The following JMJD1C variants were observed in gnomAD, a reference collection of about 807,000 sequenced individuals.
JMJD1C encodes jumonji domain containing 1C.
In JMJD1C, 31 loss-of-function variants were observed where a neutral mutation model predicts 245.3. That is an observed-to-expected ratio of 0.13 (90% CI 0.09 to 0.17). JMJD1C has a LOEUF of 0.17. JMJD1C is among the 10% of genes least tolerant of loss of function. JMJD1C has a pLI of 1.00. For missense variants in JMJD1C, 2,691 were observed against 3,000.2 expected (o/e 0.90, Z 2.41); for synonymous variants, 1,057 against 1,017.4 (o/e 1.04, Z -0.74).
intron 1 of JMJD1C, among the ~76,000 whole-genome samples, chr10:63,513,770 G>A (rs377315388): frequency 5.6e-4 from 85 of 152,114 alleles, no homozygotes; most frequent in African/African-American, 1.9e-3. Flanking sequence ...AAAATTAGCC[G>A]GGCGTGTTGG....
Position 63,453,730 on chromosome 10 carries a change from G to GT in JMJD1C, c.168+11764dup, listed in dbSNP as rs775323784. Among the ~76,000 whole-genome samples the GT allele has an allele frequency of 1.3e-4, 19 of 151,486 alleles. No homozygotes were observed. The South Asian group carries it at 1.9e-3, about 15-fold the overall frequency. The stretch of plus-strand genomic sequence containing the variant: ...AAAACTTGCATGTGAAAAAGCAATA[G>GT]TTTTTTTTTGTTTTTTGTTTTGTTT... On this transcript the variant is annotated intron_variant, in intron 1 of 25. Coordinates refer to ENST00000399262, the MANE Select transcript of JMJD1C (RefSeq NM_032776.3).
intron 2 of JMJD1C, among the ~76,000 whole-genome samples, chr10:63,324,504 A>G (rs1941294786): frequency 6.6e-6 from 1 of 152,182 alleles, no homozygotes; most frequent in South Asian, 2.1e-4. Context: ...ACCCTGTATT[A>G]TTCTATATTG....
intron 3 of JMJD1C, among the ~76,000 whole-genome samples, chr10:63,243,120 T>TATATATATAA (rs1564668876): frequency 3.5e-5 from 3 of 86,646 alleles, no homozygotes; most frequent in Admixed American, 1.1e-4. Flanking sequence ...TATATATATA[T>TATATATATAA]ATATAAATAT....
Position 63,465,703 on chromosome 10 carries a change from A to C in JMJD1C, c.-41T>G. ...AGCGGCCGCTGCCTCCTCCAGTGCG[A>C]GGGAACCGATGAAACCTCACTCCTA... On this transcript the variant is annotated 5_prime_UTR_variant, in exon 1 of 26. Coordinates refer to ENST00000399262, the MANE Select transcript of JMJD1C (RefSeq NM_032776.3). 1.2e-6 allele frequency: 2 copies of C among 1,600,846 alleles called. No individual in the cohort carries two copies. Among genetic ancestry groups the C allele is most frequent in the Non-Finnish European group, 1.7e-6 (2 of 1,178,456 alleles).
chr10:63,446,685 G>A (rs977361412), intron 1 of JMJD1C, among the ~76,000 whole-genome samples: 2 of 152,022 alleles, frequency 1.3e-5, no homozygotes, highest in Non-Finnish European at 2.9e-5. Context: ...AGGAAAAGAA[G>A]GTGATTAACC....
rs186758022 is a variant in JMJD1C at position 63,233,744 on chromosome 10, C to T, written c.448-13761G>A. The stretch of plus-strand genomic sequence containing the variant: ...TACATATTATATATATATATATATC[C>T]ACACACGCGCGTGCACACACACACA... On this transcript the variant is annotated intron_variant, in intron 3 of 25. Coordinates refer to ENST00000399262, the MANE Select transcript of JMJD1C (RefSeq NM_032776.3). 6.0e-3 allele frequency among the ~76,000 whole-genome samples: 482 copies of T among 80,624 alleles called. 2 individuals carry two copies. Among genetic ancestry groups the T allele is most frequent in the African/African-American group, 0.029 (468 of 16,034 alleles). The allele number at this position is 80,624 out of a possible 152,430, so 52.9% of individuals were successfully genotyped here.
intron 3 of JMJD1C, among the ~76,000 whole-genome samples, chr10:63,244,850 A>G (rs950584523): frequency 6.6e-6 from 1 of 151,620 alleles, no homozygotes; most frequent in African/African-American, 2.4e-5. Context: ...ATTAAAAGAA[A>G]TTAAGGCTGG....
At chr10:63,209,724 T>C (rs1847098213) in intron 8 of JMJD1C, among the ~76,000 whole-genome samples, 1 of 152,210 alleles carries the variant, frequency 6.6e-6, no homozygotes, top group Non-Finnish European at 1.5e-5. Context: ...ATAATTACAT[T>C]TCAAAACCCA....
At chr10:63,211,536 CA>C (rs1410409567) in intron 8 of JMJD1C, among the ~76,000 whole-genome samples, 1 of 151,232 alleles carries the variant, frequency 6.6e-6, no homozygotes, top group Non-Finnish European at 1.5e-5. Context: ...ACAGTCTACC[CA>C]AAACATAATG....
At chr10:63,342,049 G>A (rs1375945789) in intron 2 of JMJD1C, among the ~76,000 whole-genome samples, 1 of 152,182 alleles carries the variant, frequency 6.6e-6, no homozygotes, top group East Asian at 1.9e-4. Flanking sequence ...TGTGTCAAGT[G>A]AGAAAAAAGT....
At chr10:63,290,452 T>G (rs1328614757) in intron 2 of JMJD1C, among the ~76,000 whole-genome samples, 1 of 152,040 alleles carries the variant, frequency 6.6e-6, no homozygotes, top group African/African-American at 2.4e-5. Flanking sequence ...ACCCAGCTAC[T>G]CAGGAGGCTG....
chr10:63,351,455 T>C (rs1386624723), intron 2 of JMJD1C, among the ~76,000 whole-genome samples: 3 of 152,210 alleles, frequency 2.0e-5, no homozygotes, highest in African/African-American at 7.2e-5. Flanking sequence ...ATTAAATTTG[T>C]ATAAAACAAG....
chr10:63,346,808 G>A (rs1007748819), intron 2 of JMJD1C, among the ~76,000 whole-genome samples: 2 of 152,042 alleles, frequency 1.3e-5, no homozygotes, highest in African/African-American at 4.8e-5. Context: ...ATTTTTAAGA[G>A]ACTTATCGTA....
intron 1 of JMJD1C, among the ~76,000 whole-genome samples, chr10:63,411,928 T>A (rs867369226): frequency 1.3e-3 from 168 of 129,106 alleles, no homozygotes; most frequent in African/African-American, 4.2e-3. Context: ...TTTTTTTTTT[T>A]AAATAGAGAC....
At chr10:63,426,377 C>T (rs147188364) in intron 1 of JMJD1C, among the ~76,000 whole-genome samples, 166 of 151,818 alleles carry the variant, frequency 1.1e-3, no homozygotes, top group Non-Finnish European at 1.6e-3. Context: ...AATTCTTAAA[C>T]GTAAGAGACT....
rs985539498 is a variant in JMJD1C at position 63,380,432 on chromosome 10, T to C, written c.219A>G (p.Lys73=). The C allele has an allele frequency of 2.5e-6, 4 of 1,613,852 alleles. No individual in the cohort carries two copies. The highest frequency in any genetic ancestry group is 3.4e-6 in the Non-Finnish European group (4 of 1,179,920). The change falls in exon 2 of 26, where the codon AAA becomes AAG. Residue 73 remains lysine (K), a synonymous_variant. Coordinates refer to ENST00000399262, the MANE Select transcript of JMJD1C (RefSeq NM_032776.3). Reference sequence around the variant, plus strand: ...AGAAAGTTGAAAAATCTTCATAAACTTTAACCCACTCTCGTTTATCCCATT... The same window carrying C: ...AGAAAGTTGAAAAATCTTCATAAACCTTAACCCACTCTCGTTTATCCCATT... The part of the protein sequence containing the change: ...DLEWDKREWV[K]VYEDFSTFLV...
intron 2 of JMJD1C, among the ~76,000 whole-genome samples, chr10:63,310,986 G>T (rs1242007347): frequency 6.6e-6 from 1 of 152,000 alleles, no homozygotes; most frequent in Non-Finnish European, 1.5e-5. Context: ...TACAAAATAG[G>T]AACTTTCAAA....
intron 1 of JMJD1C, among the ~76,000 whole-genome samples, chr10:63,455,149 T>G (rs1952328236): frequency 6.6e-6 from 1 of 152,206 alleles, no homozygotes; most frequent in African/African-American, 2.4e-5. Context: ...CAGATTAAAC[T>G]AGGCTGATCG....
intron 2 of JMJD1C, among the ~76,000 whole-genome samples, chr10:63,377,648 T>C (rs1032318123): frequency 4.6e-5 from 7 of 151,960 alleles, no homozygotes; most frequent in African/African-American, 1.5e-4. Flanking sequence ...GGCAGGAGAA[T>C]TGCTTGAACC....
Sources: gnomAD v4.1 joint callset for allele counts (sites outside exome capture counted in the v4.1 genomes callset) on GRCh38, gnomAD v4.1.1 for gene constraint, MANE v1.5 for transcripts, NCBI Gene and HGNC (gene_info 2026-07-23, HGNC 2026-07-21) for gene names.